Variants in OR2Z1 observed in about 807,000 individuals in gnomAD.
OR2Z1 encodes the protein olfactory receptor family 2 subfamily Z member 1.
For missense variants in OR2Z1, 449 were observed against 401.8 expected (o/e 1.12, Z -1.00); for synonymous variants, 188 against 160.6 (o/e 1.17, Z -1.29).
rs577941279 is a variant in OR2Z1, at chr19:8,729,297, C to A, written c.-169-1563C>A. 13 of 549,866 alleles carry A rather than the reference C, an allele frequency of 2.4e-5. No homozygotes were observed. In the East Asian group the frequency reaches 4.3e-4, roughly 18 times the overall value. 34.1% of individuals were successfully genotyped at this position (549,866 alleles called of 1,614,324 possible). A position where few individuals can be genotyped will look rare whatever the true frequency, so the allele number is the denominator to read the frequency against. ...GTTCCCCTATTTATATTCCTGCGTA[C>A]CCAGTGATTAGCTTCCACTGATAAG... On this transcript the variant is annotated intron_variant, in intron 2 of 2. Transcript: ENST00000641125.
chr19:8,731,009 TA>T lies in OR2Z1; in HGVS notation c.-17del. On this transcript the variant is annotated 5_prime_UTR_variant, in exon 3 of 3. An upstream open reading frame in the 5' UTR gains an earlier in-frame stop. Coordinates refer to ENST00000641125, the MANE Select transcript of OR2Z1 (RefSeq NM_001004699.3). ...ATAGTTCAGCTGTTCTTCCTGCAGC[TA>T]AAGTGCATTGTGTAAAACATGGGGG... 6.2e-7 allele frequency: 1 copy of T among 1,601,568 alleles called. No individual in the cohort carries two copies. Among genetic ancestry groups the T allele is most frequent in the South Asian group, 1.1e-5 (1 of 90,500 alleles).
At chr19:8,729,885 C>G (rs775264144) in intron 2 of OR2Z1, among the ~76,000 whole-genome samples, 2 of 152,012 alleles carry the variant, frequency 1.3e-5, no homozygotes, top group Non-Finnish European at 2.9e-5. Flanking sequence ...CCACCATCCC[C>G]GGGCTCCAAG....
chr19:8,728,227 G>T (rs2043335749), intron 2 of OR2Z1, among the ~76,000 whole-genome samples: 1 of 152,208 alleles, frequency 6.6e-6, no homozygotes, highest in Admixed American at 6.6e-5. Context: ...ATCTGGCTTT[G>T]TCTGGGAGCT....
At chr19:8,725,454 G>C (rs1340134713) in intron 2 of OR2Z1, among the ~76,000 whole-genome samples, 1 of 152,092 alleles carries the variant, frequency 6.6e-6, no homozygotes, top group Non-Finnish European at 1.5e-5. Flanking sequence ...TGTTGGCTGG[G>C]CTGGTCTTGA....
In OR2Z1 at chr19:8,731,002, C is replaced by G. The variant is rs782044977; in HGVS notation, c.-27C>G. ...TCTTGCCATAGTTCAGCTGTTCTTCCTGCAGCTAAAGTGCATTGTGTAAAA... is the reference window on the plus strand; with the variant it reads ...TCTTGCCATAGTTCAGCTGTTCTTCGTGCAGCTAAAGTGCATTGTGTAAAA... On this transcript the variant is annotated 5_prime_UTR_variant, in exon 3 of 3. Transcript: ENST00000641125. The G allele has an allele frequency of 1.3e-5, 21 of 1,581,512 alleles. No homozygotes were observed. The highest frequency in any genetic ancestry group is 1.6e-5 in the Non-Finnish European group (19 of 1,153,312).
chr19:8,723,994 G>GTGTGTGTGTGTA (rs2043317200), intron 2 of OR2Z1, among the ~76,000 whole-genome samples: 1 of 139,702 alleles, frequency 7.2e-6, no homozygotes, highest in African/African-American at 3.2e-5. Flanking sequence ...GTGTGTGTGT[G>GTGTGTGTGTGTA]TGTGTGTGTG....
chr19:8,728,678 T>G (rs1168165440), intron 2 of OR2Z1: 1 of 491,738 alleles, frequency 2.0e-6, no homozygotes, highest in Non-Finnish European at 3.8e-6. Flanking sequence ...AATAGGTAGT[T>G]TTTTTTTTAT....
rs1568439605 is a variant in OR2Z1, at chr19:8,731,429, T to C, written c.401T>C (p.Val134Ala). ...GTGTGCCAGCCCCTGCAGTATCCTG[T>C]ACTTATGAGACGCCAGGTATGTCTG... ...VAVCQPLQYPVLMRRQVCLLM... is the reference protein window; with the variant it reads ...VAVCQPLQYPALMRRQVCLLM... The change falls in exon 3 of 3, where the codon GTA becomes GCA. Residue 134 changes from valine to alanine, a missense_variant. Transcript: ENST00000641125. 2.5e-6 allele frequency: 4 copies of C among 1,614,064 alleles called. No homozygotes were observed. Among genetic ancestry groups the C allele is most frequent in the Non-Finnish European group, 3.4e-6 (4 of 1,180,004 alleles).
chr19:8,731,502 C>G lies in OR2Z1; in HGVS notation c.474C>G (p.Ile158Met), dbSNP rs1187804965. The G allele has an allele frequency of 1.1e-5, 18 of 1,613,956 alleles. No homozygotes were observed. The highest frequency in any genetic ancestry group is 1.5e-5 in the Non-Finnish European group (18 of 1,180,010). The change falls in exon 3 of 3, where the codon ATC (isoleucine) becomes ATG (methionine). Residue 158 changes from isoleucine to methionine, a missense_variant. Coordinates refer to ENST00000641125, the MANE Select transcript of OR2Z1 (RefSeq NM_001004699.3). ...SWVVGVLNAS[I>M]QTSITLHFPY... ...TGGTAGGTGTGCTCAACGCCTCCAT[C>G]CAGACCTCCATCACCCTGCATTTTC...
At chr19:8,723,424 T>C (rs2043314682) in intron 2 of OR2Z1, among the ~76,000 whole-genome samples, 1 of 152,154 alleles carries the variant, frequency 6.6e-6, no homozygotes, top group Non-Finnish European at 1.5e-5. Context: ...ATCATGCATG[T>C]ATTTTTATTA....
intron 2 of OR2Z1, among the ~76,000 whole-genome samples, chr19:8,730,067 A>G (rs2043345278): frequency 6.6e-6 from 1 of 152,170 alleles, no homozygotes; most frequent in Non-Finnish European, 1.5e-5. Context: ...CTACATTTAA[A>G]AAAATCCAGT....
chr19:8,723,409 A>G (rs1457392060), intron 2 of OR2Z1, among the ~76,000 whole-genome samples: 1 of 152,218 alleles, frequency 6.6e-6, no homozygotes, highest in East Asian at 1.9e-4. Flanking sequence ...CTGGGTACCC[A>G]AATCATCATG....
chr19:8,722,710 T>G (rs1277510184), intron 1 of OR2Z1, among the ~76,000 whole-genome samples: 1 of 151,994 alleles, frequency 6.6e-6, no homozygotes, highest in African/African-American at 2.4e-5. Context: ...CTGAAAGAGA[T>G]TTCAGTGGGA....
rs534994160 is a variant in OR2Z1 at position 8,729,596 on chromosome 19, G to T, written c.-169-1264G>T. Among the ~76,000 whole-genome samples the T allele has an allele frequency of 4.6e-4, 64 of 140,066 alleles. 1 individual carries two copies. In the South Asian group the frequency reaches 5.5e-3, roughly 12 times the overall value. The allele number at this position is 140,066 out of a possible 152,430, so 91.9% of individuals were successfully genotyped here. On this transcript the variant is annotated intron_variant, in intron 2 of 2. Transcript: ENST00000641125. ...GAACTTTAAATTTTTTGTAGAGATG[G>T]TTTTTTTTTTTTTGACGGAGTTTTG...
intron 2 of OR2Z1, among the ~76,000 whole-genome samples, chr19:8,727,007 T>C (rs782089730): frequency 2.0e-5 from 3 of 152,180 alleles, no homozygotes; most frequent in Non-Finnish European, 4.4e-5. Context: ...TGAAGTACAA[T>C]GGGGTGATCA....
At chr19:8,724,586 T>G (rs2043320454) in intron 2 of OR2Z1, among the ~76,000 whole-genome samples, 1 of 152,170 alleles carries the variant, frequency 6.6e-6, no homozygotes, top group African/African-American at 2.4e-5. Context: ...CTATAACAGC[T>G]TCCCCAGCCA....
Position 8,731,540 on chromosome 19 carries a change from C to T in OR2Z1, c.512C>T (p.Ser171Phe), listed in dbSNP as rs2043355862. ...ACCCTGCATTTTCCCTACTGTGCCT[C>T]CCGTATTGTGGATCACTTCTTCTGT... ...SITLHFPYCA[S>F]RIVDHFFCEV... The change falls in exon 3 of 3, where the codon TCC (serine) becomes TTC (phenylalanine). Residue 171 changes from serine to phenylalanine, a missense_variant. Coordinates refer to ENST00000641125, the MANE Select transcript of OR2Z1 (RefSeq NM_001004699.3). 2 of 1,614,126 alleles carry T rather than the reference C, an allele frequency of 1.2e-6. No homozygotes were observed. The highest frequency in any genetic ancestry group is 1.7e-6 in the Non-Finnish European group (2 of 1,180,030).
At chr19:8,724,620 T>G (rs1555755986) in intron 2 of OR2Z1, among the ~76,000 whole-genome samples, 1 of 152,166 alleles carries the variant, frequency 6.6e-6, no homozygotes, top group East Asian at 1.9e-4. Flanking sequence ...CATCCTCACT[T>G]CTCTTCCCAA....
Position 8,731,384 on chromosome 19 carries a change from C to T in OR2Z1, c.356C>T (p.Ser119Phe). ...VAEGVLLVLM[S>F]YDRYVAVCQP... Reference sequence around the variant, plus strand: ...GAGGGCGTCCTGTTGGTCCTCATGTCTTATGACCGTTATGTTGCTGTGTGC... The same window carrying T: ...GAGGGCGTCCTGTTGGTCCTCATGTTTTATGACCGTTATGTTGCTGTGTGC... The change falls in exon 3 of 3, where the codon TCT (serine) becomes TTT (phenylalanine). Residue 119 changes from serine (S) to phenylalanine (F), a missense_variant. Physicochemically the swap from Ser to Phe is radical, Grantham distance 155 (BLOSUM62 -2). Transcript: ENST00000641125. 1 of 1,614,080 alleles carries T rather than the reference C, an allele frequency of 6.2e-7. No individual in the cohort carries two copies. The highest frequency in any genetic ancestry group is 1.1e-5 in the South Asian group (1 of 91,074).
Sources: allele counts gnomAD v4.1 joint callset (sites outside exome capture counted in the v4.1 genomes callset), GRCh38; gene constraint gnomAD v4.1.1; transcripts MANE v1.5; gene names NCBI Gene and HGNC (gene_info 2026-07-23, HGNC 2026-07-21).